ZFHX4: variants seen among roughly 807,000 people sequenced by gnomAD.
ZFHX4 encodes zinc finger homeobox protein 4.
ZFHX4 carries 56 observed loss-of-function variants against 267.6 expected under a neutral mutation model. That is an observed-to-expected ratio of 0.21 (90% confidence interval 0.17 to 0.26). ZFHX4 has a LOEUF of 0.26. Ranked by LOEUF, ZFHX4 falls within the 10% of genes least tolerant of loss-of-function variation. The probability of loss-of-function intolerance (pLI) is 1.00; values close to 1 mark genes in which losing one functional copy is unlikely to be tolerated. For missense variants in ZFHX4, 4,332 were observed against 4,420.0 expected, an observed-to-expected ratio of 0.98 and a Z score of 0.56; for synonymous variants, 1,778 against 1,665.6, an observed-to-expected ratio of 1.07 and a Z score of -1.64.
At chr8:76,760,928 CAAAAA>C (rs771069673) in intron 3 of ZFHX4, among the ~76,000 whole-genome samples, 13 of 64,126 alleles carry the variant, frequency 2.0e-4, no homozygotes, top group East Asian at 8.2e-4. Context: ...GACCCTGCCT[CAAAAA>C]AAAAAAAAAA....
intron 3 of ZFHX4, among the ~76,000 whole-genome samples, chr8:76,717,996 G>A (rs16939338): frequency 0.25 from 37,301 of 152,064 alleles, 5,629 homozygotes; most frequent in East Asian, 0.43. Context: ...ACTAGCATAT[G>A]TCCTTAGGGT....
At chr8:76,814,653 C>T (rs1811457848) in intron 4 of ZFHX4, among the ~76,000 whole-genome samples, 1 of 152,118 alleles carries the variant, frequency 6.6e-6, no homozygotes, top group Admixed American at 6.5e-5. Context: ...CTCTCTTTGG[C>T]ATTACTGTGT....
chr8:76,792,664 G>A (rs1164195883), intron 4 of ZFHX4, among the ~76,000 whole-genome samples: 1 of 152,186 alleles, frequency 6.6e-6, no homozygotes, highest in African/African-American at 2.4e-5. Context: ...AGTGCCTGAT[G>A]CAGATTTCTT....
chr8:76,800,796 A>G (rs1811099853), intron 4 of ZFHX4, among the ~76,000 whole-genome samples: 1 of 152,202 alleles, frequency 6.6e-6, no homozygotes, highest in Non-Finnish European at 1.5e-5. Context: ...ATTAGCAGCA[A>G]GGAAAAAACA....
intron 4 of ZFHX4, among the ~76,000 whole-genome samples, chr8:76,801,560 A>C (rs781053331): frequency 6.6e-6 from 1 of 152,164 alleles, no homozygotes; most frequent in South Asian, 2.1e-4. Flanking sequence ...TTCTGCTCCT[A>C]GCCTATTGTT....
intron 10 of ZFHX4, among the ~76,000 whole-genome samples, chr8:76,861,457 T>A (rs897207040): frequency 7.2e-5 from 11 of 152,152 alleles, no homozygotes; most frequent in Admixed American, 2.6e-4. Flanking sequence ...TTTTCTAACA[T>A]CATGTAAACT....
intron 1 of ZFHX4, among the ~76,000 whole-genome samples, chr8:76,687,868 T>C (rs1242619909): frequency 6.6e-6 from 1 of 152,106 alleles, no homozygotes; most frequent in Non-Finnish European, 1.5e-5. Context: ...AATGAAAAGC[T>C]CTGTTGAATA....
chr8:76,836,815 G>A (rs1812104064), intron 5 of ZFHX4, among the ~76,000 whole-genome samples: 2 of 152,062 alleles, frequency 1.3e-5, no homozygotes, highest in Admixed American at 6.6e-5. Flanking sequence ...GACCATTGCA[G>A]GAATATAGGT....
chr8:76,855,134 C>A lies in ZFHX4; in HGVS notation c.8213C>A (p.Thr2738Asn), dbSNP rs1480771480. The A allele has an allele frequency of 1.9e-6, 3 of 1,613,650 alleles. No individual in the cohort carries two copies. Among genetic ancestry groups the A allele is most frequent in the Non-Finnish European group, 2.5e-6 (3 of 1,179,736 alleles). ...IYFDYPSLPL[T>N]KIDLSSENEL... ...TTTGATTACCCATCTTTGCCATTAA[C>A]TAAAATTGATCTATCAAGTGAGAAT... is the stretch of plus-strand genomic sequence containing the variant. Residue 2738 changes from threonine (T) to asparagine (N), a missense_variant, in exon 10 of 11, where the codon ACT (threonine) becomes AAT (asparagine). Physicochemically the swap from Thr to Asn is moderately conservative, Grantham distance 65. Coordinates refer to ENST00000651372, the MANE Select transcript of ZFHX4 (RefSeq NM_024721.5).
rs751690903 is a variant in ZFHX4, at chr8:76,866,887, G to GT, written c.*2328dup. ...CCTCCAAAGGTTGAGAATGAGAATTGTTTTTTCCTGGATATCAAAGGGATT... is the reference window on the plus strand; with the variant it reads ...CCTCCAAAGGTTGAGAATGAGAATTGTTTTTTTCCTGGATATCAAAGGGATT... On this transcript the variant is annotated 3_prime_UTR_variant, in exon 11 of 11. Transcript: ENST00000651372. 1 of 152,606 alleles carries GT rather than the reference G, an allele frequency of 6.6e-6. No individual in the cohort carries two copies. The highest frequency in any genetic ancestry group is 1.5e-5 in the Non-Finnish European group (1 of 68,002). 9.5% of individuals were successfully genotyped at this position (152,606 alleles called of 1,614,324 possible).
intron 3 of ZFHX4, among the ~76,000 whole-genome samples, chr8:76,729,355 C>T (rs770970781): frequency 6.6e-6 from 1 of 151,990 alleles, no homozygotes; most frequent in East Asian, 1.9e-4. Context: ...TGGTCCTGCT[C>T]GAATAATATT....
chr8:76,840,995 T>C (rs1585998809), intron 5 of ZFHX4, among the ~76,000 whole-genome samples: 1 of 152,192 alleles, frequency 6.6e-6, no homozygotes, highest in Non-Finnish European at 1.5e-5. Context: ...CTTTCTCTTC[T>C]TGAAGTTAAA....
rs377249680 is a variant in ZFHX4 at position 76,856,151 on chromosome 8, C to T, written c.9230C>T (p.Thr3077Met). Residue 3077 changes from threonine (T) to methionine (M), a missense_variant, in exon 10 of 11, where the codon ACG becomes ATG. Around this residue, in one of 7 missense-constraint regions of ZFHX4, gnomAD observed 1,648 missense variants for 1,625.0 expected, o/e 1.01. Transcript: ENST00000651372. ...AAAGCTTCAGACGTGCTGGGCTTGA[C>T]GGTACAGCAGCCAGGCATGATGGAC... ...IKKASDVLGL[T>M]VQQPGMMDSS... The T allele has an allele frequency of 3.1e-6, 5 of 1,613,846 alleles. No individual in the cohort carries two copies. The highest frequency in any genetic ancestry group is 3.4e-6 in the Non-Finnish European group (4 of 1,179,866).
chr8:76,681,846 C>T (rs946114281), intron 1 of ZFHX4, among the ~76,000 whole-genome samples: 1 of 152,114 alleles, frequency 6.6e-6, no homozygotes, highest in Non-Finnish European at 1.5e-5. Flanking sequence ...CTATCTCTTT[C>T]CCCTTTTTTT....
intron 4 of ZFHX4, among the ~76,000 whole-genome samples, chr8:76,833,097 C>T (rs1192990211): frequency 6.6e-6 from 1 of 152,100 alleles, no homozygotes; most frequent in East Asian, 1.9e-4. Context: ...CCCATATTTT[C>T]TCTATCAGTG....
At chr8:76,754,112 A>G (rs1809699875) in intron 3 of ZFHX4, among the ~76,000 whole-genome samples, 1 of 152,176 alleles carries the variant, frequency 6.6e-6, no homozygotes, top group African/African-American at 2.4e-5. Flanking sequence ...CATTTGAGAA[A>G]TGTGAACAGT....
At chr8:76,751,228 T>C (rs766206576) in intron 3 of ZFHX4, among the ~76,000 whole-genome samples, 2 of 152,174 alleles carry the variant, frequency 1.3e-5, no homozygotes, top group Non-Finnish European at 2.9e-5. Flanking sequence ...GCTGAGAGTG[T>C]ATCTCAGCCT....
intron 3 of ZFHX4, among the ~76,000 whole-genome samples, chr8:76,714,927 G>C (rs1808525145): frequency 6.6e-6 from 1 of 152,138 alleles, no homozygotes; most frequent in Admixed American, 6.5e-5. Context: ...GAGTTTCCAT[G>C]CATTTTTTCA....
At chr8:76,827,974 ATG>A (rs1811831118) in intron 4 of ZFHX4, among the ~76,000 whole-genome samples, 2 of 152,202 alleles carry the variant, frequency 1.3e-5, no homozygotes, top group African/African-American at 4.8e-5. Flanking sequence ...GTCAACAAAG[ATG>A]ATGTTGCTTG....
Sources: allele counts gnomAD v4.1 joint callset (sites outside exome capture counted in the v4.1 genomes callset), GRCh38; gene constraint gnomAD v4.1.1; regional missense constraint gnomAD v4.1.1; transcripts MANE v1.5; gene names NCBI Gene and HGNC (gene_info 2026-07-23, HGNC 2026-07-21).